The following SEM1 variants were observed in gnomAD, a reference collection of about 807,000 sequenced individuals.
The protein encoded by SEM1 is SEM1 26S proteasome subunit, also known as 26S proteasome complex subunit SEM1.
Under a neutral mutation model 12.7 loss-of-function variants are expected in SEM1, and 3 were observed. That is an observed-to-expected ratio of 0.24 (90% CI 0.11 to 0.61). The LOEUF (loss-of-function observed/expected upper bound fraction) is 0.61. Ranked by LOEUF, SEM1 falls within the 20% of genes least tolerant of loss-of-function variation. The pLI is 0.88. For missense variants in SEM1, 59 were observed against 81.3 expected (o/e 0.73, Z 1.06); for synonymous variants, 30 against 27.8 (o/e 1.08, Z -0.25).
intron 2 of SEM1, among the ~76,000 whole-genome samples, chr7:96,592,999 T>TAAA (rs1554421689): frequency 1.6e-5 from 2 of 128,086 alleles, no homozygotes; most frequent in Admixed American, 8.1e-5. Flanking sequence ...TCTCCCATAT[T>TAAA]AAAAAAAAAA....
At chr7:96,627,737 A>G (rs909812006) in intron 2 of SEM1, among the ~76,000 whole-genome samples, 3 of 152,148 alleles carry the variant, frequency 2.0e-5, no homozygotes, top group African/African-American at 7.2e-5. Context: ...AACAATGTTT[A>G]TTCTGCAGCC....
At chr7:96,692,223 T>A (rs1341172839) in intron 2 of SEM1, among the ~76,000 whole-genome samples, 2 of 152,152 alleles carry the variant, frequency 1.3e-5, no homozygotes, top group Non-Finnish European at 2.9e-5. Context: ...GAAAGTTTCT[T>A]GGTAAAAATT....
chr7:96,555,085 TC>T (rs1805437605), intron 2 of SEM1, among the ~76,000 whole-genome samples: 1 of 151,476 alleles, frequency 6.6e-6, no homozygotes. Flanking sequence ...GATTCTTCTC[TC>T]TTTTCTTCTT....
chr7:96,513,693 A>C (rs1272319157), intron 2 of SEM1, among the ~76,000 whole-genome samples: 2 of 151,962 alleles, frequency 1.3e-5, no homozygotes, highest in Admixed American at 6.6e-5. Context: ...GCTGGGCATG[A>C]TGGTGTGCAC....
intron 2 of SEM1, among the ~76,000 whole-genome samples, chr7:96,667,087 G>A (rs764703659): frequency 1.3e-5 from 2 of 152,190 alleles, no homozygotes; most frequent in Non-Finnish European, 2.9e-5. Flanking sequence ...TCCTCAGAGG[G>A]ATTCCAGCCT....
intron 2 of SEM1, among the ~76,000 whole-genome samples, chr7:96,539,943 C>T (rs1253886766): frequency 6.7e-6 from 1 of 150,338 alleles, no homozygotes; most frequent in Non-Finnish European, 1.5e-5. Flanking sequence ...GCAAAACCTG[C>T]AATTACTTTT....
chr7:96,552,052 G>C (rs1297753829), intron 2 of SEM1, among the ~76,000 whole-genome samples: 4 of 152,160 alleles, frequency 2.6e-5, no homozygotes, highest in Non-Finnish European at 5.9e-5. Context: ...CACAGGAATG[G>C]TCCAGTGCCA....
rs1295289562 is a variant in SEM1 at position 96,549,231 on chromosome 7, G to A, written c.171-42533C>T. Among the ~76,000 whole-genome samples the A allele has an allele frequency of 4.6e-5, 7 of 152,176 alleles. 1 individual carries two copies. The highest frequency in any genetic ancestry group is 1.4e-4 in the African/African-American group (6 of 41,446). The stretch of plus-strand genomic sequence containing the variant: ...CTTTCTAGTTTGCCTGGGACTGTCC[G>A]AATTTTAGGACTGGTAGTCTCACAT... On this transcript the variant is annotated intron_variant and NMD_transcript_variant, in intron 2 of 3. Transcript: ENST00000466986.
At chr7:96,557,467 G>T (rs1250060006) in intron 2 of SEM1, among the ~76,000 whole-genome samples, 15 of 105,606 alleles carry the variant, frequency 1.4e-4, no homozygotes, top group African/African-American at 3.9e-4. Flanking sequence ...GTGTCAGTGT[G>T]CCCCTGCTGG....
chr7:96,600,926 C>G (rs528056077), intron 2 of SEM1, among the ~76,000 whole-genome samples: 1 of 152,254 alleles, frequency 6.6e-6, no homozygotes, highest in Admixed American at 6.5e-5. Context: ...ACCCAACACT[C>G]CACACACACT....
At chr7:96,648,561 A>G (rs950915107) in intron 2 of SEM1, among the ~76,000 whole-genome samples, 2 of 152,346 alleles carry the variant, frequency 1.3e-5, no homozygotes, top group Admixed American at 6.5e-5. Context: ...TGTGGCATAT[A>G]GAAATCGCTA....
chr7:96,671,278 C>T (rs1040654958), downstream of SEM1, among the ~76,000 whole-genome samples: 2 of 152,140 alleles, frequency 1.3e-5, no homozygotes, highest in Non-Finnish European at 2.9e-5. Flanking sequence ...ATTTTGGTGA[C>T]ATTTTTTCAG....
intron 2 of SEM1, among the ~76,000 whole-genome samples, chr7:96,634,534 G>C (rs1808368486): frequency 1.3e-5 from 2 of 150,098 alleles, no homozygotes; most frequent in Admixed American, 1.3e-4. Flanking sequence ...TGATTGGAGA[G>C]ACAGACAATG....
chr7:96,547,306 T>C (rs1313090798), intron 2 of SEM1, among the ~76,000 whole-genome samples: 2 of 152,204 alleles, frequency 1.3e-5, no homozygotes, highest in South Asian at 2.1e-4. Flanking sequence ...AGGCTAAAGA[T>C]AGTCTCTTAA....
chr7:96,576,977 C>T (rs890051095), intron 2 of SEM1, among the ~76,000 whole-genome samples: 8 of 151,956 alleles, frequency 5.3e-5, no homozygotes, highest in African/African-American at 1.7e-4. Context: ...ATTAGCCAGG[C>T]GTGGTGGCAT....
chr7:96,709,393 G>GTAACT, intron 1 of SEM1, among the ~76,000 whole-genome samples: 1 of 152,196 alleles, frequency 6.6e-6, no homozygotes, highest in Admixed American at 6.5e-5. Flanking sequence ...GAGTAACCCA[G>GTAACT]GTGAACAGTA....
intron 2 of SEM1, among the ~76,000 whole-genome samples, chr7:96,513,842 T>A (rs1354832484): frequency 1.3e-5 from 2 of 151,872 alleles, no homozygotes; most frequent in African/African-American, 2.4e-5. Context: ...AATAAAAAAA[T>A]TCGTTATAAA....
chr7:96,508,379 A>T (rs953912120), intron 2 of SEM1, among the ~76,000 whole-genome samples: 1 of 152,152 alleles, frequency 6.6e-6, no homozygotes, highest in African/African-American at 2.4e-5. Context: ...ATATCATAAC[A>T]ATGTAATAAA....
chr7:96,562,290 T>A (rs1034508269), intron 2 of SEM1, among the ~76,000 whole-genome samples: 2 of 152,208 alleles, frequency 1.3e-5, no homozygotes, highest in African/African-American at 4.8e-5. Context: ...AGAAGTAGAT[T>A]AGAAGGCTTC....
Sources: allele counts gnomAD v4.1 joint callset (sites outside exome capture counted in the v4.1 genomes callset), GRCh38; gene constraint gnomAD v4.1.1; transcripts MANE v1.5; gene names NCBI Gene and HGNC (gene_info 2026-07-23, HGNC 2026-07-21).